Variants in SPAG16 observed in about 807,000 individuals in gnomAD.
SPAG16 encodes the protein sperm-associated antigen 16 protein.
A neutral mutation model predicts 80.4 loss-of-function variants in SPAG16; 86 were observed. That is an observed-to-expected ratio of 1.07 (90% CI 0.90 to 1.28). The LOEUF (loss-of-function observed/expected upper bound fraction) is 1.28, where lower values mean the gene tolerates loss of function less well. SPAG16 is among the 50% of genes most tolerant of loss of function. The pLI is 0.00. For missense variants in SPAG16, 870 were observed against 765.3 expected, an observed-to-expected ratio of 1.14 and a Z score of -1.61; for synonymous variants, 294 against 265.9, an observed-to-expected ratio of 1.11 and a Z score of -1.03.
chr2:214,345,787 T>C (rs1422605274), intron 15 of SPAG16, among the ~76,000 whole-genome samples: 1 of 152,118 alleles, frequency 6.6e-6, no homozygotes, highest in Non-Finnish European at 1.5e-5. Context: ...GCCACTATTA[T>C]TGAACTGTAA....
At chr2:213,731,820 C>T (rs2067057999) in intron 10 of SPAG16, among the ~76,000 whole-genome samples, 1 of 152,142 alleles carries the variant, frequency 6.6e-6, no homozygotes, top group South Asian at 2.1e-4. Flanking sequence ...CATAGTATTC[C>T]ATAGTGTATA....
At chr2:213,302,054 G>A (rs746942890) in intron 3 of SPAG16, among the ~76,000 whole-genome samples, 11 of 152,022 alleles carry the variant, frequency 7.2e-5, no homozygotes, top group Non-Finnish European at 1.6e-4. Context: ...ACACAATATA[G>A]AATCCTGTCT....
At chr2:213,468,611 TTATA>T (rs1377852192) in intron 9 of SPAG16, among the ~76,000 whole-genome samples, 15 of 145,422 alleles carry the variant, frequency 1.0e-4, no homozygotes, top group Admixed American at 7.0e-4. Context: ...ATCTATGTAT[TTATA>T]TATAGAGATA....
At chr2:213,362,668 C>A (rs1256942258) in intron 7 of SPAG16, among the ~76,000 whole-genome samples, 1 of 152,172 alleles carries the variant, frequency 6.6e-6, no homozygotes, top group African/African-American at 2.4e-5. Context: ...AACCTCAAAT[C>A]TAGGGCTATT....
chr2:213,494,397 G>T (rs2125747627), intron 10 of SPAG16, among the ~76,000 whole-genome samples: 1 of 152,098 alleles, frequency 6.6e-6, no homozygotes, highest in South Asian at 2.1e-4. Flanking sequence ...CCTCATTTTT[G>T]CAAACGTACC....
At chr2:214,374,565 T>A (rs142738976) in intron 15 of SPAG16, among the ~76,000 whole-genome samples, 1 of 151,388 alleles carries the variant, frequency 6.6e-6, no homozygotes, top group Non-Finnish European at 1.5e-5. Context: ...TTTTATCAAA[T>A]AGAACGGAGT....
intron 15 of SPAG16, among the ~76,000 whole-genome samples, chr2:214,312,750 G>T (rs765031250): frequency 6.6e-5 from 10 of 152,128 alleles, no homozygotes; most frequent in Admixed American, 6.6e-4. Context: ...GAATACAACA[G>T]TGATTTATAA....
intron 15 of SPAG16, among the ~76,000 whole-genome samples, chr2:214,379,147 ATATACTT>A (rs765658210): frequency 2.0e-5 from 3 of 152,202 alleles, no homozygotes; most frequent in Non-Finnish European, 2.9e-5. Context: ...ACATTTCTAC[ATATACTT>A]TACTGCATTC....
At chr2:214,130,443 G>A (rs1216421661) in intron 14 of SPAG16, among the ~76,000 whole-genome samples, 1 of 152,148 alleles carries the variant, frequency 6.6e-6, no homozygotes, top group Non-Finnish European at 1.5e-5. Context: ...CCAGAGGCAT[G>A]CTTTAACACT....
At chr2:213,580,791 A>C (rs1460673331) in intron 10 of SPAG16, among the ~76,000 whole-genome samples, 1 of 152,088 alleles carries the variant, frequency 6.6e-6, no homozygotes, top group African/African-American at 2.4e-5. Context: ...TATTCCTTAC[A>C]ATTTTTTATT....
intron 15 of SPAG16, among the ~76,000 whole-genome samples, chr2:214,322,822 G>T (rs571132088): frequency 6.6e-6 from 1 of 152,082 alleles, no homozygotes; most frequent in Non-Finnish European, 1.5e-5. Flanking sequence ...TTACAATCAC[G>T]CTGGGAAGCA....
intron 10 of SPAG16, among the ~76,000 whole-genome samples, chr2:213,708,617 C>A (rs939876083): frequency 1.9e-4 from 29 of 152,076 alleles, no homozygotes; most frequent in African/African-American, 6.8e-4. Flanking sequence ...CATGGTGAAA[C>A]CCCTACTAAA....
chr2:213,817,964 CTAAAA>C (rs969720245), intron 10 of SPAG16, among the ~76,000 whole-genome samples: 1 of 152,100 alleles, frequency 6.6e-6, no homozygotes, highest in African/African-American at 2.4e-5. Context: ...CTCCCTGACC[CTAAAA>C]TAAAAGTTGA....
intron 15 of SPAG16, among the ~76,000 whole-genome samples, chr2:214,254,028 A>G (rs1280819534): frequency 6.6e-6 from 1 of 152,140 alleles, no homozygotes; most frequent in Non-Finnish European, 1.5e-5. Context: ...CATCCCTTGT[A>G]AGACGTATTC....
intron 9 of SPAG16, among the ~76,000 whole-genome samples, chr2:213,385,792 CCACACA>C (rs55899353): frequency 2.7e-5 from 4 of 149,330 alleles, no homozygotes; most frequent in Non-Finnish European, 3.0e-5. Context: ...TCATCTCTGT[CCACACA>C]CACACACACA....
At chr2:213,801,796 A>T (rs185428292) in intron 10 of SPAG16, among the ~76,000 whole-genome samples, 158 of 152,348 alleles carry the variant, frequency 1.0e-3, no homozygotes, top group African/African-American at 3.3e-3. Context: ...GGATGAAAGT[A>T]TTCCAAGCTT....
intron 10 of SPAG16, among the ~76,000 whole-genome samples, chr2:213,572,552 G>T (rs542779904): frequency 1.3e-5 from 2 of 152,074 alleles, no homozygotes; most frequent in African/African-American, 2.4e-5. Flanking sequence ...GGCTGCTTGG[G>T]GGTCAGGAGT....
At chr2:213,656,014 C>T (rs1426082924) in intron 10 of SPAG16, among the ~76,000 whole-genome samples, 1 of 152,062 alleles carries the variant, frequency 6.6e-6, no homozygotes. Flanking sequence ...ATTGTTTTTG[C>T]TGTGTAATTC....
At chr2:214,130,617 C>A (rs1449474100) in intron 14 of SPAG16, among the ~76,000 whole-genome samples, 3 of 152,112 alleles carry the variant, frequency 2.0e-5, no homozygotes, top group African/African-American at 7.2e-5. Flanking sequence ...ACCCTACTGC[C>A]CTGCTTTGAC....
Sources: gnomAD v4.1 joint callset for allele counts (sites outside exome capture counted in the v4.1 genomes callset) on GRCh38, gnomAD v4.1.1 for gene constraint, MANE v1.5 for transcripts, NCBI Gene and HGNC (gene_info 2026-07-23, HGNC 2026-07-21) for gene names.